Variants in STOML1 observed in about 807,000 individuals in gnomAD.
The protein encoded by STOML1 is stomatin like 1.
STOML1 carries 27 observed loss-of-function variants against 35.7 expected under a neutral mutation model. That is an observed-to-expected ratio of 0.76 (90% confidence interval 0.56 to 1.04). STOML1 has a LOEUF of 1.04. Among genes scored for constraint, STOML1 ranks in the 50% least tolerant of loss-of-function variants. The pLI is 0.00. For synonymous variants in STOML1, 219 were observed against 227.9 expected (o/e 0.96, Z 0.35); for missense variants, 451 against 527.1 (o/e 0.86, Z 1.41).
intron 2 of STOML1, chr15:73,989,977 A>C: frequency 4.9e-6 from 1 of 203,906 alleles, no homozygotes; most frequent in Non-Finnish European, 1.0e-5. Flanking sequence ...CTTATGGAAA[A>C]TGAGGCCTGA....
intron 1 of STOML1, chr15:73,990,854 G>A (rs934934132): frequency 4.6e-6 from 7 of 1,535,676 alleles, no homozygotes; most frequent in Non-Finnish European, 6.1e-6. Flanking sequence ...CTGTAAACAT[G>A]CACTGAATAC....
intron 2 of STOML1, among the ~76,000 whole-genome samples, chr15:73,989,594 T>C (rs1255327315): frequency 6.6e-6 from 1 of 152,164 alleles, no homozygotes; most frequent in Non-Finnish European, 1.5e-5. Context: ...AAACTGTCTG[T>C]CCTTGGATTA....
In STOML1 at chr15:73,980,892, T is replaced by C. The variant is rs1383470166; in HGVS notation, c.*3045A>G. 6.6e-6 allele frequency: 1 copy of C among 151,062 alleles called. No homozygotes were observed. Among genetic ancestry groups the C allele is most frequent in the East Asian group, 2.0e-4 (1 of 5,118 alleles). 9.4% of individuals were successfully genotyped at this position (151,062 alleles called of 1,614,324 possible). ...CATCCTTATCTCTACAAAAGAGATT[T>C]TAAAAATTAGCCGGTTGTGGTGGCA... On this transcript the variant is annotated 3_prime_UTR_variant, in exon 7 of 7. Coordinates refer to ENST00000541638, the MANE Select transcript of STOML1 (RefSeq NM_004809.5).
At chr15:73,984,256 T>G in intron 6 of STOML1, 126 bp from the exon 7 acceptor site, 2 of 1,010,708 alleles carry the variant, frequency 2.0e-6, no homozygotes, top group Non-Finnish European at 2.8e-6. Flanking sequence ...TGGGTTCTAA[T>G]ACCCTGGGTT....
At chr15:73,991,668 G>A (rs1012202721) in intron 1 of STOML1, 4 of 465,132 alleles carry the variant, frequency 8.6e-6, no homozygotes, top group East Asian at 6.7e-5. Flanking sequence ...CCTAGTTCCC[G>A]GGCTTCTAGA....
chr15:73,990,751 T>C, intron 1 of STOML1: 1 of 1,461,326 alleles, frequency 6.8e-7, no homozygotes, highest in Non-Finnish European at 9.3e-7. Flanking sequence ...CGCGTGATGA[T>C]GCTCTCCTCA....
At chr15:73,994,467 C>T, upstream of STOML1, 1 of 339,586 alleles carries the variant, frequency 2.9e-6, no homozygotes, top group Non-Finnish European at 5.6e-6. Context: ...TGGCACGAAG[C>T]AGTGCCAGTG....
Position 73,983,754 on chromosome 15 carries a change from G to A in STOML1, c.*183C>T. The A allele has an allele frequency of 1.6e-6, 1 of 638,724 alleles. No homozygotes were observed. Among genetic ancestry groups the A allele is most frequent in the Non-Finnish European group, 2.7e-6 (1 of 376,610 alleles). The allele number at this position is 638,724 out of a possible 1,614,324, so 39.6% of individuals were successfully genotyped here. On this transcript the variant is annotated 3_prime_UTR_variant, in exon 7 of 7. Transcript: ENST00000541638. Reference sequence around the variant, plus strand: ...AAGCCTTGTCCAGAGAACCACTGTAGGGGAGACGTGCATGGCAGCCGGACT... The same window carrying A: ...AAGCCTTGTCCAGAGAACCACTGTAAGGGAGACGTGCATGGCAGCCGGACT...
At chr15:73,984,913 G>A (rs1358091211) in intron 5 of STOML1, 42 bp from the exon 6 acceptor site, 2 of 1,608,786 alleles carry the variant, frequency 1.2e-6, no homozygotes, top group Non-Finnish European at 8.5e-7. Flanking sequence ...GCAGAGAGGA[G>A]GTCATCGTGT....
rs1200397516 is a variant in STOML1, at chr15:73,992,187, C to T, written c.37G>A (p.Gly13Ser). 13 of 1,607,502 alleles carry T rather than the reference C, an allele frequency of 8.1e-6. No homozygotes were observed. The highest frequency in any genetic ancestry group is 1.1e-5 in the Non-Finnish European group (13 of 1,177,756). Residue 13 changes from glycine (G) to serine (S), a missense_variant, in exon 1 of 7, where the codon GGT becomes AGT. Transcript: ENST00000541638. ...GACTGCTGGAAGCGGTCAAAATCAC[C>T]CAGGGGCAGCGCCCGGTACCCAGAC... ...GRSGYRALPLGDFDRFQQSSF... is the reference protein window; with the variant it reads ...GRSGYRALPLSDFDRFQQSSF...
Position 73,984,741 on chromosome 15 carries a change from GAC to G in STOML1, c.919_920del (p.Val307GlnfsTer38). On this transcript the variant is annotated frameshift_variant, in exon 6 of 7. Coordinates refer to ENST00000541638, the MANE Select transcript of STOML1 (RefSeq NM_004809.5). LOFTEE classifies it high-confidence loss of function. ...ACTGGTAGCAGGCCCCGACTTGGCT[GAC>G]CAGGGCCTCAGACAGGAAGGGCTGT... is the stretch of plus-strand genomic sequence containing the variant. Reference protein sequence around the residue: ...ALQPFLSEALVSQVGACYQFN... With the variant: ...ALQPFLSEALXSQVGACYQFN... 1 of 1,614,092 alleles carries G rather than the reference GAC, an allele frequency of 6.2e-7. No individual in the cohort carries two copies. The highest frequency in any genetic ancestry group is 8.5e-7 in the Non-Finnish European group (1 of 1,180,032).
rs1466612399 is a variant in STOML1 at position 73,979,378 on chromosome 15, G to A, written c.*4559C>T. On this transcript the variant is annotated 3_prime_UTR_variant, in exon 7 of 7. Coordinates refer to ENST00000541638, the MANE Select transcript of STOML1 (RefSeq NM_004809.5). ...TTTATTTATTTAATTTTGAGATGGA[G>A]TCTCACTCTGTTGCCCAGGCTAAAG... The A allele has an allele frequency of 6.6e-6, 1 of 152,164 alleles. No individual in the cohort carries two copies. The highest frequency in any genetic ancestry group is 2.4e-5 in the African/African-American group (1 of 41,450). 9.4% of individuals were successfully genotyped at this position (152,164 alleles called of 1,614,324 possible).
chr15:73,979,955 T>G lies in STOML1; in HGVS notation c.*3982A>C. On this transcript the variant is annotated 3_prime_UTR_variant, in exon 7 of 7. Transcript: ENST00000541638. ...AAAAAAAGCCAGGCATGGTGATCCT[T>G]TAAGCCTGGGAGGTTGAGGCTGCAG... 1 of 148,788 alleles carries G rather than the reference T, an allele frequency of 6.7e-6. No individual in the cohort carries two copies. Among genetic ancestry groups the G allele is most frequent in the East Asian group, 1.9e-4 (1 of 5,140 alleles). The allele number at this position is 148,788 out of a possible 1,614,324, so 9.2% of individuals were successfully genotyped here. A position where few individuals can be genotyped will look rare whatever the true frequency, so the allele number is the denominator to read the frequency against.
In STOML1 at chr15:73,982,424, G is replaced by C. The variant is rs978852940; in HGVS notation, c.*1513C>G. ...TGCAGCAGCCTGGGACTCTAGGAAG[G>C]GGCCCTGGAAACCTGAACCTCAATG... On this transcript the variant is annotated 3_prime_UTR_variant, in exon 7 of 7. Coordinates refer to ENST00000541638, the MANE Select transcript of STOML1 (RefSeq NM_004809.5). 1 of 152,976 alleles carries C rather than the reference G, an allele frequency of 6.5e-6. No homozygotes were observed. Among genetic ancestry groups the C allele is most frequent in the Non-Finnish European group, 1.5e-5 (1 of 68,674 alleles). The allele number at this position is 152,976 out of a possible 1,614,324, so 9.5% of individuals were successfully genotyped here.
chr15:73,989,173 G>T lies in STOML1; in HGVS notation c.325C>A (p.Pro109Thr). 1 of 1,613,170 alleles carries T rather than the reference G, an allele frequency of 6.2e-7. No individual in the cohort carries two copies. The highest frequency in any genetic ancestry group is 8.5e-7 in the Non-Finnish European group (1 of 1,179,530). The change falls in exon 3 of 7, where the codon CCC (proline) becomes ACC (threonine). Residue 109 changes from proline (P) to threonine (T), a missense_variant. By Grantham distance (38) the Pro-to-Thr change is conservative. Transcript: ENST00000541638. ...ACCCTCTGAAAGGAGTCAATGAAGG[G>T]CAAGAGCAGAACCATGCCAGGTCCC... is the stretch of plus-strand genomic sequence containing the variant. ...PQGPGMVLLL[P>T]FIDSFQRVDL...
rs28756828 is a variant in STOML1, at chr15:73,983,697, G to A, written c.*240C>T. 3.8e-3 allele frequency: 1,804 copies of A among 473,800 alleles called. 30 individuals are homozygous for A. The highest frequency in any genetic ancestry group is 0.031 in the African/African-American group (1,598 of 51,294). 29.3% of individuals were successfully genotyped at this position (473,800 alleles called of 1,614,324 possible). A position where few individuals can be genotyped will look rare whatever the true frequency, so the allele number is the denominator to read the frequency against. ...AATCACACCGTGCACCCAGCTCAGC[G>A]CTGGGCACTCAGCTGGGGACCGGGA... On this transcript the variant is annotated 3_prime_UTR_variant, in exon 7 of 7. Coordinates refer to ENST00000541638, the MANE Select transcript of STOML1 (RefSeq NM_004809.5).
At chr15:73,991,600 G>A in intron 1 of STOML1, 1 of 457,254 alleles carries the variant, frequency 2.2e-6, no homozygotes, top group South Asian at 1.6e-5. Context: ...GACAGAAGCA[G>A]GGCAGATCCA....
In STOML1 at chr15:73,979,815, G is replaced by A. The variant is rs1008610295; in HGVS notation, c.*4122C>T. ...GGACAATAAACAGGCTGGGCTAGAT[G>A]GCTCATGCCTGTAATCCTAGCAGTT... is the stretch of plus-strand genomic sequence containing the variant. On this transcript the variant is annotated 3_prime_UTR_variant, in exon 7 of 7. Coordinates refer to ENST00000541638, the MANE Select transcript of STOML1 (RefSeq NM_004809.5). 3 of 151,454 alleles carry A rather than the reference G, an allele frequency of 2.0e-5. No homozygotes were observed. Among genetic ancestry groups the A allele is most frequent in the African/African-American group, 7.3e-5 (3 of 40,994 alleles). The allele number at this position is 151,454 out of a possible 1,614,324, so 9.4% of individuals were successfully genotyped here.
In STOML1 at chr15:73,983,708, A is replaced by C. The variant is rs2141660728; in HGVS notation, c.*229T>G. ...GCACCCAGCTCAGCGCTGGGCACTC[A>C]GCTGGGGACCGGGATGGACAAAGCC... On this transcript the variant is annotated 3_prime_UTR_variant, in exon 7 of 7. Coordinates refer to ENST00000541638, the MANE Select transcript of STOML1 (RefSeq NM_004809.5). The C allele has an allele frequency of 2.0e-6, 1 of 491,544 alleles. No homozygotes were observed. Among genetic ancestry groups the C allele is most frequent in the Non-Finnish European group, 3.6e-6 (1 of 277,890 alleles). The allele number at this position is 491,544 out of a possible 1,614,324, so 30.4% of individuals were successfully genotyped here. A position where few individuals can be genotyped will look rare whatever the true frequency, so the allele number is the denominator to read the frequency against.
Sources: gnomAD v4.1 joint callset for allele counts (sites outside exome capture counted in the v4.1 genomes callset) on GRCh38, gnomAD v4.1.1 for gene constraint, MANE v1.5 for transcripts, NCBI Gene and HGNC (gene_info 2026-07-23, HGNC 2026-07-21) for gene names.